FAM76B: variants seen among roughly 807,000 people sequenced by gnomAD.
The protein encoded by FAM76B is family with sequence similarity 76 member B.
FAM76B carries 16 observed loss-of-function variants against 51.8 expected under a neutral mutation model. That is an observed-to-expected ratio of 0.31 (90% CI 0.21 to 0.47). The LOEUF is 0.47. Among genes scored for constraint, FAM76B ranks in the 20% least tolerant of loss-of-function variants. The pLI is 1.00. For missense variants in FAM76B, 342 were observed against 392.6 expected, an observed-to-expected ratio of 0.87 and a Z score of 1.09; for synonymous variants, 166 against 129.5, an observed-to-expected ratio of 1.28 and a Z score of -1.91.
At chr11:95,786,742 T>G (rs1442059381) in intron 3 of FAM76B, 1 of 152,446 alleles carries the variant, frequency 6.6e-6, no homozygotes, top group Non-Finnish European at 1.5e-5. Context: ...GTTTTCAACT[T>G]TGAAAAAATG....
chr11:95,773,532 T>G (rs1348350805), intron 9 of FAM76B, among the ~76,000 whole-genome samples: 1 of 150,912 alleles, frequency 6.6e-6, no homozygotes, highest in African/African-American at 2.4e-5. Context: ...TTAGACATGT[T>G]GGTGCAAAGG....
intron 1 of FAM76B, 123 bp downstream of exon 1, chr11:95,789,269 A>T: frequency 9.1e-7 from 1 of 1,104,236 alleles, no homozygotes; most frequent in Non-Finnish European, 1.3e-6. Flanking sequence ...TGGGGAGGCG[A>T]GGGCTCCAGA....
rs560344971 is a variant in FAM76B, at chr11:95,769,698, T to G, written c.*1863A>C. ...TCAAAGAAAGGTAATAACTATCTTA[T>G]GAATTTAGCAAATCCTGCAAACGTT... On this transcript the variant is annotated 3_prime_UTR_variant, in exon 10 of 10. Transcript: ENST00000358780. 1 of 151,808 alleles carries G rather than the reference T, an allele frequency of 6.6e-6. No individual in the cohort carries two copies. Among genetic ancestry groups the G allele is most frequent in the South Asian group, 2.1e-4 (1 of 4,824 alleles). The allele number at this position is 151,808 out of a possible 1,614,324, so 9.4% of individuals were successfully genotyped here.
intron 3 of FAM76B, 200 bp from the exon 4 acceptor site, chr11:95,786,474 T>C (rs941559265): frequency 1.2e-4 from 59 of 509,760 alleles, no homozygotes; most frequent in Non-Finnish European, 1.7e-4. Context: ...TTTCTAGTCA[T>C]GTAACTATTA....
intron 4 of FAM76B, 99 bp from the exon 5 acceptor site, chr11:95,783,363 G>T: frequency 1.0e-6 from 1 of 968,396 alleles, no homozygotes; most frequent in Non-Finnish European, 1.6e-6. Context: ...TATTCCACAC[G>T]TAACATGCAC....
intron 1 of FAM76B, chr11:95,788,950 G>T: frequency 1.5e-6 from 2 of 1,346,506 alleles, no homozygotes; most frequent in Non-Finnish European, 9.7e-7. Flanking sequence ...TCGCTTTCCT[G>T]GACAGGGAAG....
intron 3 of FAM76B, among the ~76,000 whole-genome samples, chr11:95,787,378 C>T (rs1274013372): frequency 1.3e-5 from 2 of 152,068 alleles, no homozygotes; most frequent in African/African-American, 2.4e-5. Context: ...GGACTACAGG[C>T]GCCCACCACC....
rs1037305347 is a variant in FAM76B, at chr11:95,779,993, C to A, written c.564-67G>T. ...ATTTAATACATCTAAATTTAACATT[C>A]TTTCTCAATGGATACAAATTTTATG... is the stretch of plus-strand genomic sequence containing the variant. On this transcript the variant is annotated intron_variant, in intron 5 of 9. Coordinates refer to ENST00000358780, the MANE Select transcript of FAM76B (RefSeq NM_144664.5). 4 of 1,392,838 alleles carry A rather than the reference C, an allele frequency of 2.9e-6. No individual in the cohort carries two copies. In the African/African-American group the frequency reaches 5.9e-5, roughly 20 times the overall value. 86.3% of individuals were successfully genotyped at this position (1,392,838 alleles called of 1,614,324 possible). A position where few individuals can be genotyped will look rare whatever the true frequency, so the allele number is the denominator to read the frequency against.
In FAM76B at chr11:95,789,431, A is replaced by G. The variant is rs1205869025; in HGVS notation, c.48T>C (p.Tyr16=). ...GGCCCTGGGAGAGCTCCTCGAAAGG[A>G]TAACGCTGGGTACACTTGGTGCAGG... The part of the protein sequence containing the change: ...LYACTKCTQR[Y]PFEELSQGQQ... The change falls in exon 1 of 10, where the codon TAT becomes TAC. Residue 16 remains tyrosine (Y), a synonymous_variant. Coordinates refer to ENST00000358780, the MANE Select transcript of FAM76B (RefSeq NM_144664.5). 7 of 1,609,700 alleles carry G rather than the reference A, an allele frequency of 4.3e-6. No homozygotes were observed. Among genetic ancestry groups the G allele is most frequent in the Admixed American group, 3.4e-5 (2 of 59,658 alleles).
At position 95,779,933 on chromosome 11, in the gene FAM76B, A is replaced by C; in HGVS notation, c.564-7T>G. 1 of 1,604,456 alleles carries C rather than the reference A, an allele frequency of 6.2e-7. No homozygotes were observed. The highest frequency in any genetic ancestry group is 1.1e-5 in the South Asian group (1 of 89,000). ...TGGACTTAGATTGCTGATTCTGAAAAATACACAAATGACATCTAATAATGA... is the reference window on the plus strand; with the variant it reads ...TGGACTTAGATTGCTGATTCTGAAACATACACAAATGACATCTAATAATGA... On this transcript the variant is annotated splice_region_variant and splice_polypyrimidine_tract_variant and intron_variant, in intron 5 of 9. Coordinates refer to ENST00000358780, the MANE Select transcript of FAM76B (RefSeq NM_144664.5).
intron 9 of FAM76B, among the ~76,000 whole-genome samples, chr11:95,773,386 A>T (rs938469910): frequency 3.4e-5 from 5 of 148,192 alleles, no homozygotes; most frequent in Non-Finnish European, 7.5e-5. Flanking sequence ...TTAAAAATGA[A>T]TTTTATGCCA....
At position 95,775,923 on chromosome 11, in the gene FAM76B, T is replaced by C; in HGVS notation, c.929A>G (p.Gln310Arg). The change falls in exon 9 of 10, where the codon CAG (glutamine) becomes CGG (arginine). Residue 310 changes from glutamine (Q) to arginine (R), a missense_variant and splice_region_variant. By Grantham distance (43) the Gln-to-Arg change is conservative. Transcript: ENST00000358780. ...TTTTACGTAAATGATGGTAGTTACC[T>C]GAAGTTGTTCCACAGTTTCTTTGTG... ...KAHKETVEQL[Q>R]AKNRELLKQV... 2 of 1,566,042 alleles carry C rather than the reference T, an allele frequency of 1.3e-6. No individual in the cohort carries two copies. Among genetic ancestry groups the C allele is most frequent in the Non-Finnish European group, 1.7e-6 (2 of 1,156,690 alleles).
At chr11:95,786,303 T>C (rs1295163815) in intron 3 of FAM76B, 29 bp from the exon 4 acceptor site, 2 of 1,611,036 alleles carry the variant, frequency 1.2e-6, no homozygotes, top group Non-Finnish European at 1.7e-6. Flanking sequence ...TTGAGACTTT[T>C]AAAAACATTA....
At position 95,782,958 on chromosome 11, in the gene FAM76B, A is replaced by G. The variant is rs1031081689; in HGVS notation, c.563+107T>C. ...ACACTCAAGATGCTTACTGTGTACA[A>G]TGGAAACTAGACTAGCACATAGTCA... is the stretch of plus-strand genomic sequence containing the variant. On this transcript the variant is annotated intron_variant, in intron 5 of 9. Coordinates refer to ENST00000358780, the MANE Select transcript of FAM76B (RefSeq NM_144664.5). The G allele has an allele frequency of 7.8e-6, 11 of 1,418,262 alleles. No individual in the cohort carries two copies. In the African/African-American group the frequency reaches 1.3e-4, roughly 16 times the overall value. The allele number at this position is 1,418,262 out of a possible 1,614,324, so 87.9% of individuals were successfully genotyped here.
intron 9 of FAM76B, among the ~76,000 whole-genome samples, chr11:95,775,069 A>T (rs1859936123): frequency 6.6e-6 from 1 of 151,258 alleles, no homozygotes; most frequent in African/African-American, 2.4e-5. Context: ...TACTCTCCCA[A>T]GTCTGACGTC....
At chr11:95,777,097 C>T (rs751171962) in intron 8 of FAM76B, among the ~76,000 whole-genome samples, 8 of 151,294 alleles carry the variant, frequency 5.3e-5, no homozygotes, top group Non-Finnish European at 1.0e-4. Flanking sequence ...TCACTATGAA[C>T]TTCTGGAAAA....
intron 1 of FAM76B, 56 bp downstream of exon 1, chr11:95,789,336 C>A: frequency 6.5e-7 from 1 of 1,528,840 alleles, no homozygotes; most frequent in Non-Finnish European, 8.9e-7. Flanking sequence ...GCTACCCGGC[C>A]CCCTCCGGCT....
Position 95,789,405 on chromosome 11 carries a change from T to A in FAM76B, c.74A>T (p.Gln25Leu), listed in dbSNP as rs771667632. ...RYPFEELSQG[Q>L]QLCKECRIAH... is the part of the protein sequence containing the mutation. ...GAGCCCACGGACCTTGCAGAGCTGC[T>A]GGCCCTGGGAGAGCTCCTCGAAAGG... The change falls in exon 1 of 10, where the codon CAG becomes CTG. Residue 25 changes from glutamine to leucine, a missense_variant. Coordinates refer to ENST00000358780, the MANE Select transcript of FAM76B (RefSeq NM_144664.5). 2.5e-6 allele frequency: 4 copies of A among 1,604,294 alleles called. No homozygotes were observed. The South Asian group carries it at 4.5e-5, about 18-fold the overall frequency.
In FAM76B at chr11:95,789,499, T is replaced by TCCG. The variant is rs779090398; in HGVS notation, c.-24_-22dup. The TCCG allele has an allele frequency of 7.6e-5, 118 of 1,554,322 alleles. No individual in the cohort carries two copies. The highest frequency in any genetic ancestry group is 6.3e-4 in the Admixed American group (35 of 55,814). On this transcript the variant is annotated 5_prime_UTR_variant, in exon 1 of 10. Coordinates refer to ENST00000358780, the MANE Select transcript of FAM76B (RefSeq NM_144664.5). Reference sequence around the variant, plus strand: ...GCCATCCTGCTCCTCAGTCTCCTCCTCCGCCGCCGCCCGCTCCGAGGCGGG... The same window carrying TCCG: ...GCCATCCTGCTCCTCAGTCTCCTCCTCCGCCGCCGCCGCCCGCTCCGAGGCGGG...
Sources: gnomAD v4.1 joint callset for allele counts (sites outside exome capture counted in the v4.1 genomes callset) on GRCh38, gnomAD v4.1.1 for gene constraint, MANE v1.5 for transcripts, NCBI Gene and HGNC (gene_info 2026-07-23, HGNC 2026-07-21) for gene names.